TBC1D22A: variants seen among roughly 807,000 people sequenced by gnomAD.
TBC1D22A encodes TBC1 domain family member 22A, also known as putative GTPase activator.
In TBC1D22A, 38 loss-of-function variants were observed where a neutral mutation model predicts 60.2. The observed-to-expected ratio is 0.63, with a 90% CI of 0.49 to 0.83. The LOEUF (loss-of-function observed/expected upper bound fraction) is 0.83, where lower values mean the gene tolerates loss of function less well. Ranked by LOEUF, TBC1D22A falls within the 40% of genes least tolerant of loss-of-function variation. TBC1D22A has a pLI of 0.00. For synonymous variants in TBC1D22A, 302 were observed against 281.7 expected (o/e 1.07, Z -0.72); for missense variants, 628 against 701.0 (o/e 0.90, Z 1.18).
chr22:47,005,492 C>G (rs905010910), intron 10 of TBC1D22A, among the ~76,000 whole-genome samples: 3 of 151,624 alleles, frequency 2.0e-5, no homozygotes, highest in Non-Finnish European at 4.4e-5. Flanking sequence ...CTACACACAC[C>G]TAGACATACC....
chr22:47,152,322 C>T (rs898767937), intron 12 of TBC1D22A, among the ~76,000 whole-genome samples: 1 of 152,174 alleles, frequency 6.6e-6, no homozygotes, highest in African/African-American at 2.4e-5. Context: ...TGAGAAACCA[C>T]CGCAGCCTCC....
chr22:46,911,190 G>C (rs552389498), intron 7 of TBC1D22A, among the ~76,000 whole-genome samples: 1 of 152,238 alleles, frequency 6.6e-6, no homozygotes, highest in Admixed American at 6.5e-5. Context: ...AGAGGTGGTG[G>C]AGAGAGGGTC....
intron 10 of TBC1D22A, among the ~76,000 whole-genome samples, chr22:47,033,429 G>C (rs916224334): frequency 6.6e-6 from 1 of 152,190 alleles, no homozygotes; most frequent in African/African-American, 2.4e-5. Context: ...CCGGTTACCT[G>C]TTTGCTCTCT....
At chr22:46,954,981 A>G (rs1384933181) in intron 8 of TBC1D22A, among the ~76,000 whole-genome samples, 2 of 152,222 alleles carry the variant, frequency 1.3e-5, no homozygotes, top group South Asian at 4.1e-4. Context: ...GTCAGGAGCA[A>G]TTAAACTGAT....
At chr22:47,150,306 T>A (rs2067453691) in intron 12 of TBC1D22A, among the ~76,000 whole-genome samples, 1 of 152,136 alleles carries the variant, frequency 6.6e-6, no homozygotes, top group South Asian at 2.1e-4. Context: ...GCGGCCCTCC[T>A]GGCTGCACTC....
chr22:47,085,453 A>G (rs2064640958), intron 11 of TBC1D22A, among the ~76,000 whole-genome samples: 2 of 152,132 alleles, frequency 1.3e-5, no homozygotes, highest in Non-Finnish European at 1.5e-5. Context: ...ACAGTTGCCA[A>G]TTTTTGCTTG....
At chr22:47,100,577 A>T (rs1004732335) in intron 11 of TBC1D22A, among the ~76,000 whole-genome samples, 2 of 152,126 alleles carry the variant, frequency 1.3e-5, no homozygotes, top group African/African-American at 4.8e-5. Context: ...ATGGTGAATA[A>T]GTCTCCTGAG....
chr22:46,980,647 TG>T (rs136115), intron 9 of TBC1D22A, among the ~76,000 whole-genome samples: 152,337 of 152,340 alleles, frequency 1, 76,167 homozygotes, highest in Middle Eastern at 1. Context: ...ACTGAAAATA[TG>T]GGCAGATTAA....
At chr22:47,006,898 T>C (rs1428099762) in intron 10 of TBC1D22A, among the ~76,000 whole-genome samples, 1 of 152,204 alleles carries the variant, frequency 6.6e-6, no homozygotes, top group East Asian at 1.9e-4. Flanking sequence ...GGAGGAAGTA[T>C]TGCTGGGTTG....
chr22:46,899,912 G>A (rs2068891114), intron 7 of TBC1D22A, among the ~76,000 whole-genome samples: 1 of 151,900 alleles, frequency 6.6e-6, no homozygotes, highest in South Asian at 2.1e-4. Flanking sequence ...CCTAAAGTTT[G>A]GGCTGCTAAT....
intron 4 of TBC1D22A, among the ~76,000 whole-genome samples, chr22:46,805,221 G>A (rs2085075998): frequency 6.6e-6 from 1 of 152,230 alleles, no homozygotes; most frequent in African/African-American, 2.4e-5. Context: ...TGCTGGCAGA[G>A]TTAATTGAGC....
intron 9 of TBC1D22A, among the ~76,000 whole-genome samples, chr22:46,993,851 G>A (rs917795507): frequency 3.3e-5 from 5 of 152,170 alleles, no homozygotes; most frequent in East Asian, 1.9e-4. Context: ...GCCCCAGAGC[G>A]GGGCCTTCTG....
chr22:46,911,236 C>G (rs753691648), intron 7 of TBC1D22A, among the ~76,000 whole-genome samples: 1 of 152,002 alleles, frequency 6.6e-6, no homozygotes, highest in South Asian at 2.1e-4. Context: ...GGGAGGAGGC[C>G]GGAATGACTC....
chr22:47,048,928 C>T (rs113851967), intron 11 of TBC1D22A, among the ~76,000 whole-genome samples: 1 of 152,320 alleles, frequency 6.6e-6, no homozygotes, highest in Non-Finnish European at 1.5e-5. Context: ...TCTGGTGTAG[C>T]GTGGTAATGA....
chr22:47,118,253 AC>A (rs1302226085), intron 12 of TBC1D22A, among the ~76,000 whole-genome samples: 1 of 152,256 alleles, frequency 6.6e-6, no homozygotes, highest in African/African-American at 2.4e-5. Flanking sequence ...TGGAATACTT[AC>A]AAAAAGTAAT....
intron 1 of TBC1D22A, among the ~76,000 whole-genome samples, chr22:46,774,656 G>T (rs2083623246): frequency 6.6e-6 from 1 of 152,180 alleles, no homozygotes; most frequent in African/African-American, 2.4e-5. Flanking sequence ...GGGAAGGTGG[G>T]CCTCTGCTCA....
intron 7 of TBC1D22A, among the ~76,000 whole-genome samples, chr22:46,899,412 A>C (rs868552090): frequency 6.6e-6 from 1 of 151,244 alleles, no homozygotes. Context: ...GCGCCACTGC[A>C]CTCCAGCCTG....
At chr22:46,836,022 G>A (rs1040421319) in intron 4 of TBC1D22A, among the ~76,000 whole-genome samples, 1 of 152,112 alleles carries the variant, frequency 6.6e-6, no homozygotes, top group African/African-American at 2.4e-5. Context: ...TTTCCCAGAC[G>A]AAAGTGGTGG....
At chr22:46,927,169 A>G (rs1051638877) in intron 8 of TBC1D22A, among the ~76,000 whole-genome samples, 1 of 152,222 alleles carries the variant, frequency 6.6e-6, no homozygotes, top group Non-Finnish European at 1.5e-5. Context: ...ATTACAGAAC[A>G]ATATTCCTTA....
Sources: gnomAD v4.1 joint callset for allele counts (sites outside exome capture counted in the v4.1 genomes callset) on GRCh38, gnomAD v4.1.1 for gene constraint, MANE v1.5 for transcripts, NCBI Gene and HGNC (gene_info 2026-07-23, HGNC 2026-07-21) for gene names.